Variants in PFKP observed in about 807,000 individuals in gnomAD.
PFKP encodes the protein ATP-dependent 6-phosphofructokinase, platelet type.
Under a neutral mutation model 94.3 loss-of-function variants are expected in PFKP, and 101 were observed. That is an observed-to-expected ratio of 1.07 (90% CI 0.91 to 1.26). The LOEUF (loss-of-function observed/expected upper bound fraction) is 1.26. PFKP is among the 50% of genes most tolerant of loss of function. The probability of loss-of-function intolerance (pLI) is 0.00; values close to 1 mark genes in which losing one functional copy is unlikely to be tolerated. For missense variants in PFKP, 1,145 were observed against 1,103.3 expected, an observed-to-expected ratio of 1.04 and a Z score of -0.53; for synonymous variants, 573 against 432.6, an observed-to-expected ratio of 1.32 and a Z score of -4.03.
At chr10:3,121,798 T>TTC (rs1837438308) in intron 16 of PFKP, among the ~76,000 whole-genome samples, 3 of 21,702 alleles carry the variant, frequency 1.4e-4, no homozygotes, top group Admixed American at 4.6e-4. Flanking sequence ...AATTTCTTTT[T>TTC]TTTTCTTTTT....
chr10:3,132,576 A>C lies in PFKP; in HGVS notation c.1910+135A>C, dbSNP rs1448366072. 12 of 647,482 alleles carry C rather than the reference A, an allele frequency of 1.9e-5. No homozygotes were observed. In the East Asian group the frequency reaches 3.2e-4, roughly 17 times the overall value. 40.1% of individuals were successfully genotyped at this position (647,482 alleles called of 1,614,324 possible). On this transcript the variant is annotated intron_variant, in intron 18 of 21. Coordinates refer to ENST00000381125, the MANE Select transcript of PFKP (RefSeq NM_002627.5). ...TGCACTACACACACTGAGCAGGTGC[A>C]GAAGACAGCTGTGGTGCATTGCTCT...
Position 3,092,762 on chromosome 10 carries a change from T to A in PFKP, c.187-6513T>A, listed in dbSNP as rs186387200. Among the ~76,000 whole-genome samples the A allele has an allele frequency of 3.9e-3, 594 of 152,358 alleles. 8 individuals are homozygous for A. The highest frequency in any genetic ancestry group is 0.013 in the African/African-American group (531 of 41,588). On this transcript the variant is annotated intron_variant, in intron 2 of 21. Coordinates refer to ENST00000381125, the MANE Select transcript of PFKP (RefSeq NM_002627.5). Reference sequence around the variant, plus strand: ...AGCCATAGGAAATATTTCTTTTGGGTTAAAATGAAGCTCCTGCTTTTACAA... The same window carrying A: ...AGCCATAGGAAATATTTCTTTTGGGATAAAATGAAGCTCCTGCTTTTACAA...
chr10:3,118,762 C>T lies in PFKP; in HGVS notation c.1443-20C>T, dbSNP rs750473303. 2.5e-6 allele frequency: 4 copies of T among 1,594,086 alleles called. No individual in the cohort carries two copies. The highest frequency in any genetic ancestry group is 3.4e-6 in the Non-Finnish European group (4 of 1,162,892). On this transcript the variant is annotated intron_variant, in intron 14 of 21. Transcript: ENST00000381125. ...GGAGTTTGGGGTGTCTGACATCGTTCTCCACGTGGCTATTTTCAGCGTTCT... is the reference window on the plus strand; with the variant it reads ...GGAGTTTGGGGTGTCTGACATCGTTTTCCACGTGGCTATTTTCAGCGTTCT...
intron 21 of PFKP, 47 bp downstream of exon 21, chr10:3,135,885 C>A (rs764070842): frequency 6.3e-6 from 7 of 1,107,076 alleles, no homozygotes; most frequent in South Asian, 1.2e-5. Context: ...AATGTGAGTA[C>A]GGGACAGGGG....
chr10:3,101,748 T>C (rs1485459506), intron 4 of PFKP, among the ~76,000 whole-genome samples, 194 bp downstream of exon 4: 9 of 152,198 alleles, frequency 5.9e-5, no homozygotes, highest in Admixed American at 3.9e-4. Flanking sequence ...AACCTTACCA[T>C]GTGCCAGGCA....
intron 1 of PFKP, among the ~76,000 whole-genome samples, chr10:3,078,109 GAA>G (rs751577756): frequency 2.0e-4 from 30 of 152,342 alleles, no homozygotes; most frequent in Non-Finnish European, 3.7e-4. Flanking sequence ...AGTGTTGAGT[GAA>G]AGACTCTGAA....
Position 3,101,935 on chromosome 10 carries a change from C to T in PFKP, c.454+381C>T, listed in dbSNP as rs555260738. On this transcript the variant is annotated intron_variant, in intron 4 of 21. Coordinates refer to ENST00000381125, the MANE Select transcript of PFKP (RefSeq NM_002627.5). ...GCCTTTCAGCCCTCACACTGTGTCC[C>T]TCCAGCTCGCTGGGGTCCTTTAAAA... Among the ~76,000 whole-genome samples, 4 of 152,316 alleles carry T rather than the reference C, an allele frequency of 2.6e-5. No individual in the cohort carries two copies. In the South Asian group the frequency reaches 8.3e-4, roughly 32 times the overall value.
chr10:3,082,443 G>A lies in PFKP; in HGVS notation c.168G>A (p.Lys56=), dbSNP rs1216068207. ...GCATGGGTATCTACGTGGGGGCCAA[G>A]GTGTACTTCATCTACGAGGTCAGTG... ...VVRMGIYVGA[K]VYFIYEGYQG... Residue 56 remains lysine, a synonymous_variant, in exon 2 of 22, where the codon AAG becomes AAA. Transcript: ENST00000381125. 8 of 1,606,382 alleles carry A rather than the reference G, an allele frequency of 5.0e-6. No individual in the cohort carries two copies. Among genetic ancestry groups the A allele is most frequent in the Non-Finnish European group, 6.8e-6 (8 of 1,175,158 alleles).
intron 2 of PFKP, among the ~76,000 whole-genome samples, chr10:3,087,984 C>CTTT (rs1224829610): frequency 0.035 from 3,349 of 96,232 alleles, 88 homozygotes; most frequent in South Asian, 0.092. Context: ...ATCTTTCATT[C>CTTT]TTTTTTTTTT....
intron 17 of PFKP, among the ~76,000 whole-genome samples, chr10:3,132,135 C>T (rs1456429158): frequency 6.6e-6 from 1 of 152,142 alleles, no homozygotes; most frequent in Non-Finnish European, 1.5e-5. Context: ...CCTGTTGACT[C>T]TGGAAGGTGT....
At position 3,119,890 on chromosome 10, in the gene PFKP, A is replaced by G; in HGVS notation, c.1531-2A>G. On this transcript the variant is annotated splice_acceptor_variant, in intron 15 of 21. Transcript: ENST00000381125. LOFTEE classifies it high-confidence loss of function. ...CCCACAACTCCCACGCTTGTCTGACAGGCCTACCTGGGACTCCTGGAGCTG... is the reference window on the plus strand; with the variant it reads ...CCCACAACTCCCACGCTTGTCTGACGGGCCTACCTGGGACTCCTGGAGCTG... 1 of 1,613,940 alleles carries G rather than the reference A, an allele frequency of 6.2e-7. No homozygotes were observed. Among genetic ancestry groups the G allele is most frequent in the Non-Finnish European group, 8.5e-7 (1 of 1,179,946 alleles).
intron 21 of PFKP, among the ~76,000 whole-genome samples, chr10:3,136,191 G>T (rs9423493): frequency 0.29 from 43,651 of 152,006 alleles, 6,384 homozygotes; most frequent in African/African-American, 0.33. Context: ...CTTGAACCCG[G>T]GAGGCAGAGG....
chr10:3,105,179 C>T lies in PFKP; in HGVS notation c.665+20C>T, dbSNP rs753548148. 1 of 1,610,580 alleles carries T rather than the reference C, an allele frequency of 6.2e-7. No homozygotes were observed. The highest frequency in any genetic ancestry group is 2.2e-5 in the East Asian group (1 of 44,846). ...CTGTGGGTACGTACCTGCGGTGGGT[C>T]CGGTGGACGCGGTTCAGGTGGGGGA... On this transcript the variant is annotated intron_variant, in intron 6 of 21. Coordinates refer to ENST00000381125, the MANE Select transcript of PFKP (RefSeq NM_002627.5).
intron 16 of PFKP, among the ~76,000 whole-genome samples, chr10:3,124,763 C>G (rs1837757154): frequency 6.6e-6 from 1 of 152,238 alleles, no homozygotes; most frequent in African/African-American, 2.4e-5. Context: ...CCTTACCTAC[C>G]ATGACACGCC....
chr10:3,082,364 C>G (rs747306601), intron 1 of PFKP, 24 bp from the exon 2 acceptor site: 1 of 1,590,458 alleles, frequency 6.3e-7, no homozygotes, highest in Non-Finnish European at 8.6e-7. Flanking sequence ...TCTTCAGTGA[C>G]TCTTGCTCCT....
At chr10:3,136,231 C>T (rs1839303306) in intron 21 of PFKP, among the ~76,000 whole-genome samples, 1 of 152,108 alleles carries the variant, frequency 6.6e-6, no homozygotes, top group Admixed American at 6.5e-5. Flanking sequence ...CACCACTGTA[C>T]TCAAGCCTGG....
At chr10:3,075,808 G>C (rs1588385507) in intron 1 of PFKP, among the ~76,000 whole-genome samples, 1 of 150,982 alleles carries the variant, frequency 6.6e-6, no homozygotes, top group African/African-American at 2.4e-5. Context: ...GGGAGATTGA[G>C]GTGGGAGGAT....
At position 3,119,889 on chromosome 10, in the gene PFKP, C is replaced by T. The variant is rs1219377218; in HGVS notation, c.1531-3C>T. 1 of 1,614,064 alleles carries T rather than the reference C, an allele frequency of 6.2e-7. No individual in the cohort carries two copies. Among genetic ancestry groups the T allele is most frequent in the South Asian group, 1.1e-5 (1 of 91,058 alleles). ...CCCCACAACTCCCACGCTTGTCTGA[C>T]AGGCCTACCTGGGACTCCTGGAGCT... On this transcript the variant is annotated splice_polypyrimidine_tract_variant and splice_region_variant and intron_variant, in intron 15 of 21. Coordinates refer to ENST00000381125, the MANE Select transcript of PFKP (RefSeq NM_002627.5).
At chr10:3,069,316 G>A (rs1588367246) in intron 1 of PFKP, 5 of 1,560,856 alleles carry the variant, frequency 3.2e-6, no homozygotes, top group Non-Finnish European at 3.5e-6. Flanking sequence ...AGCAGAGGAT[G>A]GGATTGAAGA....
Sources: gnomAD v4.1 joint callset for allele counts (sites outside exome capture counted in the v4.1 genomes callset) on GRCh38, gnomAD v4.1.1 for gene constraint, MANE v1.5 for transcripts, NCBI Gene and HGNC (gene_info 2026-07-23, HGNC 2026-07-21) for gene names.